The following OTOGL variants were observed in gnomAD, a reference collection of about 807,000 sequenced individuals.
The protein encoded by OTOGL is otogelin-like protein.
A neutral mutation model predicts 318.5 loss-of-function variants in OTOGL; 285 were observed. The observed-to-expected ratio is 0.89, with a 90% confidence interval of 0.81 to 0.99. OTOGL has a LOEUF of 0.99. OTOGL is among the 50% of genes least tolerant of loss of function. OTOGL has a pLI of 0.00. For missense variants in OTOGL, 2,899 were observed against 2,845.6 expected, an observed-to-expected ratio of 1.02 and a Z score of -0.43; for synonymous variants, 987 against 936.5, an observed-to-expected ratio of 1.05 and a Z score of -0.99.
rs554616988 is a variant in OTOGL, at chr12:80,121,401, A to G, written c.-20+21796A>G. 1.7e-4 allele frequency among the ~76,000 whole-genome samples: 26 copies of G among 152,298 alleles called. No individual in the cohort carries two copies. The East Asian group carries it at 4.4e-3, about 26-fold the overall frequency. On this transcript the variant is annotated intron_variant, in intron 1 of 58. Coordinates refer to ENST00000547103, the MANE Select transcript of OTOGL (RefSeq NM_001378609.3). Reference sequence around the variant, plus strand: ...CCTTCAGATATTTTGGAGAAAAAACACAAGAACTTTTGACTCTAACACACT... The same window carrying G: ...CCTTCAGATATTTTGGAGAAAAAACGCAAGAACTTTTGACTCTAACACACT...
chr12:80,224,842 G>T (rs1422000848), intron 7 of OTOGL, among the ~76,000 whole-genome samples: 1 of 151,938 alleles, frequency 6.6e-6, no homozygotes, highest in Non-Finnish European at 1.5e-5. Context: ...GCACAACTGG[G>T]TGACTATAGT....
At chr12:80,294,195 G>T (rs1312116788) in intron 26 of OTOGL, among the ~76,000 whole-genome samples, 2 of 151,832 alleles carry the variant, frequency 1.3e-5, no homozygotes, top group Non-Finnish European at 2.9e-5. Context: ...CATTAGAAAT[G>T]GAAAGTATAG....
intron 48 of OTOGL, 111 bp downstream of exon 48, chr12:80,356,631 C>A (rs983780112): frequency 6.5e-6 from 6 of 919,528 alleles, no homozygotes; most frequent in Non-Finnish European, 9.3e-6. Context: ...TAAAAGATTG[C>A]GGACTTGTCT....
chr12:80,209,687 G>A (rs1043193993), intron 2 of OTOGL, among the ~76,000 whole-genome samples, 177 bp downstream of exon 2: 4 of 151,860 alleles, frequency 2.6e-5, no homozygotes, highest in Non-Finnish European at 5.9e-5. Context: ...GGACCTTTTG[G>A]TTTTCATTTT....
intron 7 of OTOGL, among the ~76,000 whole-genome samples, chr12:80,222,953 A>ACGAATAAGTTCGTTAG (rs140142195): frequency 0.023 from 3,418 of 151,784 alleles, 133 homozygotes; most frequent in African/African-American, 0.078. Flanking sequence ...GTTTGGTTAC[A>ACGAATAAGTTCGTTAG]TGTTGATTTC....
At chr12:80,108,803 A>ATATATATTG (rs1565863158) in intron 1 of OTOGL, among the ~76,000 whole-genome samples, 4 of 37,040 alleles carry the variant, frequency 1.1e-4, no homozygotes, top group South Asian at 9.2e-4. Flanking sequence ...ATATATATGT[A>ATATATATTG]TATATATATG....
Position 80,320,483 on chromosome 12 carries a change from C to CAATGATACTCTT in OTOGL, c.3866_3877dup (p.Asn1289_Leu1292dup). ...CAAACTACTTTCTCTATGTCCATGA[C>CAATGATACTCTT]AATGATACTCTTAGCTTGGAGCTGT... On this transcript the variant is annotated inframe_insertion, in exon 34 of 59. Coordinates refer to ENST00000547103, the MANE Select transcript of OTOGL (RefSeq NM_001378609.3). 2.5e-6 allele frequency: 4 copies of CAATGATACTCTT among 1,613,498 alleles called. No homozygotes were observed. Among genetic ancestry groups the CAATGATACTCTT allele is most frequent in the Non-Finnish European group, 3.4e-6 (4 of 1,179,608 alleles).
intron 34 of OTOGL, 29 bp downstream of exon 34, chr12:80,320,729 A>G (rs1228571519): frequency 6.5e-7 from 1 of 1,528,986 alleles, no homozygotes; most frequent in Admixed American, 2.1e-5. Context: ...CCAAAAAGAG[A>G]ACAAATAGGT....
intron 52 of OTOGL, among the ~76,000 whole-genome samples, chr12:80,360,412 G>A (rs1349438): frequency 0.7 from 49,346 of 70,546 alleles, 17,486 homozygotes; most frequent in Non-Finnish European, 0.8. Flanking sequence ...GTCTCTCCCC[G>A]CTCCCCTTTT....
At chr12:80,316,647 A>G (rs1886992313) in intron 32 of OTOGL, among the ~76,000 whole-genome samples, 1 of 152,186 alleles carries the variant, frequency 6.6e-6, no homozygotes, top group Non-Finnish European at 1.5e-5. Context: ...AGGCAAATAA[A>G]TTTACTATGA....
chr12:80,258,363 A>G (rs116130709), intron 18 of OTOGL, among the ~76,000 whole-genome samples: 2,616 of 152,114 alleles, frequency 0.017, 69 homozygotes, highest in African/African-American at 0.059. Flanking sequence ...ATAGCTGCCT[A>G]AAAAAACCAA....
intron 1 of OTOGL, among the ~76,000 whole-genome samples, chr12:80,127,140 T>C (rs1438237795): frequency 2.6e-5 from 4 of 152,238 alleles, no homozygotes; most frequent in East Asian, 1.9e-4. Flanking sequence ...CTAGCCTTGA[T>C]GGTCTTTACA....
At chr12:80,232,792 A>C (rs958338202) in intron 8 of OTOGL, 100 bp from the exon 9 acceptor site, 28 of 1,022,804 alleles carry the variant, frequency 2.7e-5, no homozygotes, top group Non-Finnish European at 3.8e-5. Flanking sequence ...AATTTCAAGT[A>C]ATCATTTTCT....
intron 27 of OTOGL, 151 bp from the exon 28 acceptor site, chr12:80,302,483 T>C (rs1435806705): frequency 2.1e-6 from 1 of 485,872 alleles, no homozygotes; most frequent in African/African-American, 2.0e-5. Context: ...TGCAATTGTT[T>C]TGTCTTTTCT....
At chr12:80,248,794 A>G (rs1881171620) in intron 11 of OTOGL, among the ~76,000 whole-genome samples, 1 of 150,922 alleles carries the variant, frequency 6.6e-6, no homozygotes. Flanking sequence ...CATCACTTTC[A>G]GGTACACGAA....
chr12:80,233,475 A>C (rs1879560844), intron 9 of OTOGL, among the ~76,000 whole-genome samples: 1 of 152,194 alleles, frequency 6.6e-6, no homozygotes, highest in Non-Finnish European at 1.5e-5. Flanking sequence ...TGGGTCAGAT[A>C]TGTCTATGTT....
intron 1 of OTOGL, among the ~76,000 whole-genome samples, chr12:80,133,009 A>G (rs570391033): frequency 3.9e-5 from 6 of 152,274 alleles, no homozygotes; most frequent in African/African-American, 1.4e-4. Flanking sequence ...AGTGCATTTT[A>G]TTTAACTCTT....
chr12:80,141,846 G>A (rs1200945002), intron 1 of OTOGL, among the ~76,000 whole-genome samples: 1 of 152,174 alleles, frequency 6.6e-6, no homozygotes, highest in South Asian at 2.1e-4. Context: ...AGTAGAAAGA[G>A]TATTTTTATA....
At chr12:80,281,818 A>G (rs1884256568) in intron 26 of OTOGL, among the ~76,000 whole-genome samples, 1 of 151,896 alleles carries the variant, frequency 6.6e-6, no homozygotes, top group Non-Finnish European at 1.5e-5. Flanking sequence ...GATTGAATAG[A>G]TAAATATATA....
Sources: gnomAD v4.1 joint callset for allele counts (sites outside exome capture counted in the v4.1 genomes callset) on GRCh38, gnomAD v4.1.1 for gene constraint, MANE v1.5 for transcripts, NCBI Gene and HGNC (gene_info 2026-07-23, HGNC 2026-07-21) for gene names.